The following TRIM10 variants were observed in gnomAD, a reference collection of about 807,000 sequenced individuals.
TRIM10 encodes the protein tripartite motif-containing protein 10.
Under a neutral mutation model 40.0 loss-of-function variants are expected in TRIM10, and 42 were observed. The ratio of observed to expected loss-of-function variants is 1.05; its 90% CI spans 0.82 to 1.36. TRIM10 has a LOEUF of 1.36. Among genes scored for constraint, TRIM10 ranks in the 40% most tolerant of loss-of-function variants. The pLI is 0.00. For missense variants in TRIM10, 601 were observed against 608.3 expected, an observed-to-expected ratio of 0.99 and a Z score of 0.13; for synonymous variants, 260 against 239.5, an observed-to-expected ratio of 1.09 and a Z score of -0.79.
Position 30,159,228 on chromosome 6 carries a change from A to G in TRIM10, c.447T>C (p.Cys149=). ...AAPYREQIHK[C]LKCLRKEREE... ...CTCTCTCTTTTCTTAGACATTTAAG[A>G]CACTTATGGATTTGTTCCTGGGGAG... is the stretch of plus-strand genomic sequence containing the variant. Residue 149 remains cysteine, a synonymous_variant, in exon 2 of 7, where the codon TGT becomes TGC. Transcript: ENST00000449742. The G allele has an allele frequency of 6.2e-7, 1 of 1,608,708 alleles. No individual in the cohort carries two copies. The highest frequency in any genetic ancestry group is 8.5e-7 in the Non-Finnish European group (1 of 1,176,148).
chr6:30,157,294 T>C, intron 4 of TRIM10, 75 bp downstream of exon 4: 2 of 1,355,932 alleles, frequency 1.5e-6, no homozygotes, highest in Non-Finnish European at 2.1e-6. Context: ...TATACCTGTG[T>C]GGCAATAACT....
chr6:30,159,011 T>TCA, intron 2 of TRIM10, 139 bp downstream of exon 2: 1 of 637,996 alleles, frequency 1.6e-6, no homozygotes, highest in Non-Finnish European at 2.8e-6. Flanking sequence ...GAGAGTTGCT[T>TCA]GAGGTCATAG....
chr6:30,160,410 C>A lies in TRIM10; in HGVS notation c.429+20G>T, dbSNP rs376726911. 8.6e-5 allele frequency: 138 copies of A among 1,606,324 alleles called. No individual in the cohort carries two copies. In the African/African-American group the frequency reaches 1.8e-3, roughly 20 times the overall value. On this transcript the variant is annotated intron_variant, in intron 1 of 6. Transcript: ENST00000449742. ...GTCCAGTCCAGTCCACCCTGGGATC[C>A]CCCAGTTCCCCTTTCCTACCCTATA... is the stretch of plus-strand genomic sequence containing the variant.
rs942048269 is a variant in TRIM10, at chr6:30,158,474, C to G, written c.681G>C (p.Gly227=). ...TAAGAGCACTAAACCGGCAGATCTC[C>G]CCAGCAACCAGCAAATCAAATTCAT... ...QRDEFDLLVA[G]EICRFSALIE... Residue 227 remains glycine, a synonymous_variant, in exon 3 of 7, where the codon GGG becomes GGC. Coordinates refer to ENST00000449742, the MANE Select transcript of TRIM10 (RefSeq NM_006778.4). 15 of 1,612,998 alleles carry G rather than the reference C, an allele frequency of 9.3e-6. No individual in the cohort carries two copies. The highest frequency in any genetic ancestry group is 1.2e-5 in the Non-Finnish European group (14 of 1,180,036).
Position 30,160,892 on chromosome 6 carries a change from C to G in TRIM10, c.-34G>C, listed in dbSNP as rs746597152. On this transcript the variant is annotated 5_prime_UTR_variant, in exon 1 of 7. Transcript: ENST00000449742. ...TGCTGCTATGGCTTCCTCAAGGCCA[C>G]TCTCTCTGCTTGGCCACGGGGGAAG... 2 of 1,555,994 alleles carry G rather than the reference C, an allele frequency of 1.3e-6. No individual in the cohort carries two copies. The highest frequency in any genetic ancestry group is 1.7e-6 in the Non-Finnish European group (2 of 1,154,884).
At chr6:30,157,307 G>T in intron 4 of TRIM10, 62 bp downstream of exon 4, 2 of 1,426,936 alleles carry the variant, frequency 1.4e-6, no homozygotes, top group Non-Finnish European at 1.9e-6. Context: ...CAATAACTAG[G>T]CATGCAGTAC....
At chr6:30,157,292 T>C in intron 4 of TRIM10, 77 bp downstream of exon 4, 10 of 1,344,516 alleles carry the variant, frequency 7.4e-6, no homozygotes, top group Non-Finnish European at 1.0e-5. Context: ...TATATACCTG[T>C]GTGGCAATAA....
rs1772804375 is a variant in TRIM10 at position 30,158,699 on chromosome 6, C to T, written c.526-70G>A. 6.4e-6 allele frequency: 8 copies of T among 1,250,276 alleles called. No individual in the cohort carries two copies. In the East Asian group the frequency reaches 7.0e-5, roughly 11 times the overall value. The allele number at this position is 1,250,276 out of a possible 1,614,324, so 77.4% of individuals were successfully genotyped here. A position where few individuals can be genotyped will look rare whatever the true frequency, so the allele number is the denominator to read the frequency against. On this transcript the variant is annotated intron_variant, in intron 2 of 6. Transcript: ENST00000449742. The stretch of plus-strand genomic sequence containing the variant: ...TTCTCCCTCTGCTCCTCTTCCTCCC[C>T]TGTCCCCAGGTAGATCTGGAACTGT...
rs1581558532 is a variant in TRIM10 at position 30,153,430 on chromosome 6, C to A, written c.*539G>T. 1 of 496,818 alleles carries A rather than the reference C, an allele frequency of 2.0e-6. No homozygotes were observed. 30.8% of individuals were successfully genotyped at this position (496,818 alleles called of 1,614,324 possible). On this transcript the variant is annotated 3_prime_UTR_variant, in exon 7 of 7. Transcript: ENST00000449742. The stretch of plus-strand genomic sequence containing the variant: ...GCTGTAATTTCCTCTTTATGTTTCT[C>A]TGTCTTCCCAAGAGCTCTTTCAGAT...
In TRIM10 at chr6:30,154,710, GC is replaced by G. The variant is rs750509317; in HGVS notation, c.929-225del. On this transcript the variant is annotated intron_variant, in intron 6 of 6. Transcript: ENST00000449742. ...CCCAGGTGATTTGCACACAGGTAAA[GC>G]CTGAAAAGCCTGCCTCAGAGGATGT... 6 of 710,304 alleles carry G rather than the reference GC, an allele frequency of 8.4e-6. No homozygotes were observed. The African/African-American group carries it at 8.7e-5, about 10-fold the overall frequency. 44.0% of individuals were successfully genotyped at this position (710,304 alleles called of 1,614,324 possible). A position where few individuals can be genotyped will look rare whatever the true frequency, so the allele number is the denominator to read the frequency against.
upstream of TRIM10, among the ~76,000 whole-genome samples, chr6:30,161,532 TG>T (rs1201829186): frequency 3.4e-5 from 5 of 148,994 alleles, no homozygotes; most frequent in African/African-American, 1.2e-4. Flanking sequence ...CAACTTACAT[TG>T]ATACAAGCAA....
At chr6:30,159,446 A>C (rs953328434) in intron 1 of TRIM10, among the ~76,000 whole-genome samples, 1 of 152,114 alleles carries the variant, frequency 6.6e-6, no homozygotes, top group African/African-American at 2.4e-5. Context: ...AAGACTTTGG[A>C]TCAGGACTTT....
chr6:30,163,994 T>A, upstream of TRIM10: 3 of 1,613,112 alleles, frequency 1.9e-6, no homozygotes, highest in Admixed American at 3.3e-5. Flanking sequence ...CCTCTGTGTG[T>A]TCTGCAGGGA....
At chr6:30,155,336 C>A (rs1772429234) in intron 6 of TRIM10, among the ~76,000 whole-genome samples, 1 of 152,198 alleles carries the variant, frequency 6.6e-6, no homozygotes, top group South Asian at 2.1e-4. Context: ...GATTATAAAC[C>A]CAGATCAAAG....
chr6:30,161,387 G>T (rs1021726811), upstream of TRIM10, among the ~76,000 whole-genome samples: 3 of 152,176 alleles, frequency 2.0e-5, no homozygotes, highest in African/African-American at 7.2e-5. Context: ...GTGCCAGGGT[G>T]TACACTGCAC....
At position 30,153,671 on chromosome 6, in the gene TRIM10, C is replaced by T. The variant is rs771284773; in HGVS notation, c.*298G>A. ...TTCAAGAACCCAGGTCTTCTGACTT[C>T]AAATCCAGTGCCCTTTCTATGCAGC... On this transcript the variant is annotated 3_prime_UTR_variant, in exon 7 of 7. Coordinates refer to ENST00000449742, the MANE Select transcript of TRIM10 (RefSeq NM_006778.4). 5.6e-6 allele frequency: 9 copies of T among 1,604,844 alleles called. No homozygotes were observed. Among genetic ancestry groups the T allele is most frequent in the Non-Finnish European group, 8.5e-7 (1 of 1,176,084 alleles).
At chr6:30,155,288 C>T (rs570276405) in intron 6 of TRIM10, among the ~76,000 whole-genome samples, 1 of 152,080 alleles carries the variant, frequency 6.6e-6, no homozygotes, top group African/African-American at 2.4e-5. Context: ...GAAATGACAT[C>T]TGAGAGGAAG....
chr6:30,154,616 G>A (rs116596081), intron 6 of TRIM10, 130 bp from the exon 7 acceptor site: 21,875 of 1,209,118 alleles, frequency 0.018, 387 homozygotes, highest in African/African-American at 0.065. Context: ...GCCTACGTGG[G>A]CCAACAGTGT....
rs1292038561 is a variant in TRIM10 at position 30,159,207 on chromosome 6, C to T, written c.468G>A (p.Glu156=). The change falls in exon 2 of 7, where the codon GAG becomes GAA. Residue 156 remains glutamate (E), a synonymous_variant. Transcript: ENST00000449742. ...ACTGGATTTCTTGAATCTCCTCTCT[C>T]TCTTTTCTTAGACATTTAAGACACT... is the stretch of plus-strand genomic sequence containing the variant. ...IHKCLKCLRK[E]REEIQEIQSR... is the part of the protein sequence containing the mutation. 4.3e-6 allele frequency: 7 copies of T among 1,611,924 alleles called. No individual in the cohort carries two copies. The highest frequency in any genetic ancestry group is 5.9e-6 in the Non-Finnish European group (7 of 1,178,986).
Sources: allele counts gnomAD v4.1 joint callset (sites outside exome capture counted in the v4.1 genomes callset), GRCh38; gene constraint gnomAD v4.1.1; transcripts MANE v1.5; gene names NCBI Gene and HGNC (gene_info 2026-07-23, HGNC 2026-07-21).